Variants in HABP2 observed in about 807,000 individuals in gnomAD.
HABP2 encodes hyaluronan binding protein 2, also known as factor VII-activating protease.
A neutral mutation model predicts 66.5 loss-of-function variants in HABP2; 65 were observed. The observed-to-expected ratio is 0.98, with a 90% confidence interval of 0.80 to 1.20. The LOEUF (loss-of-function observed/expected upper bound fraction) is 1.20, where lower values mean the gene tolerates loss of function less well. Among genes scored for constraint, HABP2 ranks in the 50% most tolerant of loss-of-function variants. The pLI is 0.00. For missense variants in HABP2, 786 were observed against 691.0 expected, an observed-to-expected ratio of 1.14 and a Z score of -1.54; for synonymous variants, 263 against 253.9, an observed-to-expected ratio of 1.04 and a Z score of -0.34.
At chr10:113,585,687 T>C (rs1845619756) in intron 11 of HABP2, 106 bp from the exon 12 acceptor site, 2 of 833,308 alleles carry the variant, frequency 2.4e-6, no homozygotes, top group African/African-American at 3.3e-5. Context: ...CCTTCCCTTC[T>C]GAGCTAAGAG....
rs748571570 is a variant in HABP2, at chr10:113,582,001, G to A, written c.964G>A (p.Ala322Thr). The A allele has an allele frequency of 1.5e-5, 24 of 1,614,214 alleles. No homozygotes were observed. The South Asian group carries it at 2.2e-4, about 15-fold the overall frequency. Residue 322 changes from alanine to threonine, a missense_variant, in exon 9 of 13, where the codon GCG becomes ACG. Coordinates refer to ENST00000351270, the MANE Select transcript of HABP2 (RefSeq NM_004132.5). ...KRIYGGFKSTAGKHPWQASLQ... is the reference protein window; with the variant it reads ...KRIYGGFKSTTGKHPWQASLQ... ...AATCTATGGAGGCTTTAAGAGCACG[G>A]CGGGCAAGCACCCATGGCAGGCGTC...
chr10:113,589,191 C>T lies in HABP2; in HGVS notation c.*822C>T, dbSNP rs551018573. On this transcript the variant is annotated 3_prime_UTR_variant, in exon 13 of 13. Transcript: ENST00000351270. ...CACAGGGAGCATTTAACAGGCTCAC[C>T]CTCCCTTTCCTTTTCCCCTCTTCTA... 4.3e-5 allele frequency: 34 copies of T among 788,264 alleles called. No homozygotes were observed. The East Asian group carries it at 8.7e-4, about 20-fold the overall frequency. The allele number at this position is 788,264 out of a possible 1,614,324, so 48.8% of individuals were successfully genotyped here.
intron 11 of HABP2, 48 bp from the exon 12 acceptor site, chr10:113,585,745 A>C (rs770210628): frequency 6.5e-7 from 1 of 1,526,926 alleles, no homozygotes; most frequent in African/African-American, 1.4e-5. Flanking sequence ...GGTTGGTGCC[A>C]CCCTGGTCCC....
In HABP2 at chr10:113,582,141, G is replaced by T. The variant is rs376981372; in HGVS notation, c.1094+10G>T. On this transcript the variant is annotated intron_variant, in intron 9 of 12. Coordinates refer to ENST00000351270, the MANE Select transcript of HABP2 (RefSeq NM_004132.5). ...CTGCCCACTGCACCGAGTAGGTGCC[G>T]CTGGGAGCAGGGACCAGGGTGGCTT... 5.6e-6 allele frequency: 9 copies of T among 1,595,808 alleles called. No homozygotes were observed. The highest frequency in any genetic ancestry group is 1.1e-5 in the South Asian group (1 of 89,750).
chr10:113,560,985 A>C (rs1845090084), intron 1 of HABP2, among the ~76,000 whole-genome samples: 1 of 152,246 alleles, frequency 6.6e-6, no homozygotes, highest in Admixed American at 6.5e-5. Context: ...AGTATCACTG[A>C]AAGGTACACT....
intron 1 of HABP2, among the ~76,000 whole-genome samples, chr10:113,561,972 A>G (rs532496239): frequency 6.6e-6 from 1 of 152,160 alleles, no homozygotes; most frequent in South Asian, 2.1e-4. Flanking sequence ...TCACTAACCA[A>G]CCTTAACCTG....
At chr10:113,565,848 G>C (rs967386958) in intron 1 of HABP2, among the ~76,000 whole-genome samples, 1 of 152,160 alleles carries the variant, frequency 6.6e-6, no homozygotes, top group Non-Finnish European at 1.5e-5. Context: ...GGCTAGGCTA[G>C]GTGTTTTGTA....
intron 1 of HABP2, among the ~76,000 whole-genome samples, chr10:113,554,415 A>T (rs1405754829): frequency 6.6e-6 from 1 of 152,256 alleles, no homozygotes; most frequent in Non-Finnish European, 1.5e-5. Flanking sequence ...TTTTTAAAAC[A>T]ATAGCTTCTC....
At chr10:113,562,135 C>G (rs1845110990) in intron 1 of HABP2, among the ~76,000 whole-genome samples, 1 of 152,182 alleles carries the variant, frequency 6.6e-6, no homozygotes, top group Non-Finnish European at 1.5e-5. Flanking sequence ...CTAGAATGGT[C>G]TTGCTAAATA....
chr10:113,584,428 G>A lies in HABP2; in HGVS notation c.1372+146G>A, dbSNP rs545172369. The A allele has an allele frequency of 3.7e-5, 26 of 699,590 alleles. No homozygotes were observed. In the East Asian group the frequency reaches 5.8e-4, roughly 16 times the overall value. The allele number at this position is 699,590 out of a possible 1,614,324, so 43.3% of individuals were successfully genotyped here. A position where few individuals can be genotyped will look rare whatever the true frequency, so the allele number is the denominator to read the frequency against. On this transcript the variant is annotated intron_variant, in intron 11 of 12. Transcript: ENST00000351270. Reference sequence around the variant, plus strand: ...AGAAAGCATCCACCTCATTGATCAAGCTCTGGTTAAATTCCTCCACCTGCA... The same window carrying A: ...AGAAAGCATCCACCTCATTGATCAAACTCTGGTTAAATTCCTCCACCTGCA...
At chr10:113,558,158 C>G (rs921117040) in intron 1 of HABP2, among the ~76,000 whole-genome samples, 1 of 152,196 alleles carries the variant, frequency 6.6e-6, no homozygotes, top group Non-Finnish European at 1.5e-5. Context: ...TCAATAGCCC[C>G]GAAGCTTTGC....
Position 113,564,879 on chromosome 10 carries a change from C to T in HABP2, c.70-2610C>T, listed in dbSNP as rs575325675. Among the ~76,000 whole-genome samples, 7 of 151,918 alleles carry T rather than the reference C, an allele frequency of 4.6e-5. No homozygotes were observed. The South Asian group carries it at 1.5e-3, about 32-fold the overall frequency. On this transcript the variant is annotated intron_variant, in intron 1 of 12. Transcript: ENST00000351270. ...TGTTTTTTTCTTAGATGGAGTCTCG[C>T]TCTGTAGCCCAGGCTGGAGTGCAGT...
chr10:113,587,409 G>A (rs1236688158), intron 12 of HABP2, among the ~76,000 whole-genome samples: 3 of 152,132 alleles, frequency 2.0e-5, no homozygotes, highest in African/African-American at 7.2e-5. Context: ...ACAAATAGTT[G>A]TGAATTGAAA....
At chr10:113,566,473 T>C (rs1468294827) in intron 1 of HABP2, among the ~76,000 whole-genome samples, 1 of 152,256 alleles carries the variant, frequency 6.6e-6, no homozygotes, top group Non-Finnish European at 1.5e-5. Flanking sequence ...TTTATGTCAT[T>C]ATTTATTTAT....
intron 3 of HABP2, 87 bp downstream of exon 3, chr10:113,574,492 C>T (rs964709914): frequency 2.3e-5 from 16 of 703,744 alleles, no homozygotes; most frequent in African/African-American, 1.2e-4. Flanking sequence ...CCTCTCTCTC[C>T]GCCTCTCTGG....
At chr10:113,576,890 G>T (rs1845421068) in intron 4 of HABP2, among the ~76,000 whole-genome samples, 1 of 152,188 alleles carries the variant, frequency 6.6e-6, no homozygotes, top group African/African-American at 2.4e-5. Context: ...GCTCTGTTTG[G>T]TGAAGGTGTA....
At chr10:113,585,701 G>C in intron 11 of HABP2, 92 bp from the exon 12 acceptor site, 1 of 935,002 alleles carries the variant, frequency 1.1e-6, no homozygotes, top group Non-Finnish European at 1.8e-6. Context: ...CTAAGAGTTG[G>C]TGGGCTTCTC....
In HABP2 at chr10:113,553,085, T is replaced by A. The variant is rs1205944878; in HGVS notation, c.-37T>A. ...AAAGGCATAGACAACAAAAGAAATT[T>A]TATTGAGAGGAAAACACAAGTCCTT... On this transcript the variant is annotated 5_prime_UTR_variant, in exon 1 of 13. Coordinates refer to ENST00000351270, the MANE Select transcript of HABP2 (RefSeq NM_004132.5). The A allele has an allele frequency of 6.5e-7, 1 of 1,548,328 alleles. No homozygotes were observed. Among genetic ancestry groups the A allele is most frequent in the Non-Finnish European group, 8.9e-7 (1 of 1,120,456 alleles).
At position 113,589,168 on chromosome 10, in the gene HABP2, C is replaced by A; in HGVS notation, c.*799C>A. 1 of 1,049,122 alleles carries A rather than the reference C, an allele frequency of 9.5e-7. No homozygotes were observed. 65.0% of individuals were successfully genotyped at this position (1,049,122 alleles called of 1,614,324 possible). On this transcript the variant is annotated 3_prime_UTR_variant, in exon 13 of 13. Transcript: ENST00000351270. ...TTCCCACAGGACACGCTAAGAAGCA[C>A]AGGGAGCATTTAACAGGCTCACCCT...
Sources: allele counts gnomAD v4.1 joint callset (sites outside exome capture counted in the v4.1 genomes callset), GRCh38; gene constraint gnomAD v4.1.1; transcripts MANE v1.5; gene names NCBI Gene and HGNC (gene_info 2026-07-23, HGNC 2026-07-21).